KLHL1: variants seen among roughly 807,000 people sequenced by gnomAD.
The protein encoded by KLHL1 is kelch-like protein 1.
KLHL1 carries 47 observed loss-of-function variants against 77.7 expected under a neutral mutation model. The observed-to-expected ratio is 0.60, with a 90% CI of 0.48 to 0.77. The LOEUF is 0.77. Among genes scored for constraint, KLHL1 ranks in the 30% least tolerant of loss-of-function variants. The pLI is 0.00. For missense variants in KLHL1, 925 were observed against 910.8 expected (o/e 1.02, Z -0.20); for synonymous variants, 360 against 325.2 (o/e 1.11, Z -1.15).
chr13:70,107,666 TCACATCGAAG>T lies in KLHL1; in HGVS notation c.24_33del (p.Asp8GlufsTer55). 1 of 1,537,678 alleles carries T rather than the reference TCACATCGAAG, an allele frequency of 6.5e-7. No individual in the cohort carries two copies. On this transcript the variant is annotated frameshift_variant, in exon 1 of 11. Coordinates refer to ENST00000377844, the MANE Select transcript of KLHL1 (RefSeq NM_020866.3). LOFTEE classifies it high-confidence loss of function. ...TTCCAGCGGAGTCGCAGAATGTGCT[TCACATCGAAG>T]TCTTTTCGCCCAGAGCCTGACATGC...
At chr13:69,949,098 T>C (rs1029746746) in intron 3 of KLHL1, among the ~76,000 whole-genome samples, 1 of 151,928 alleles carries the variant, frequency 6.6e-6, no homozygotes, top group Non-Finnish European at 1.5e-5. Context: ...GTTTCCCCCA[T>C]TATTAACATC....
chr13:70,098,506 C>A (rs1887845743), intron 1 of KLHL1, among the ~76,000 whole-genome samples: 1 of 151,586 alleles, frequency 6.6e-6, no homozygotes, highest in East Asian at 1.9e-4. Flanking sequence ...ACTCTTAAAT[C>A]TTTCAATTTA....
At chr13:69,940,261 G>C in intron 3 of KLHL1, 25 bp from the exon 4 acceptor site, 1 of 1,550,898 alleles carries the variant, frequency 6.4e-7, no homozygotes, top group Non-Finnish European at 8.7e-7. Context: ...AGATAATTAT[G>C]AAACTCTTTT....
chr13:70,009,275 C>G (rs1403774366), intron 1 of KLHL1, among the ~76,000 whole-genome samples: 1 of 152,036 alleles, frequency 6.6e-6, no homozygotes, highest in Admixed American at 6.6e-5. Context: ...TAACTCAATT[C>G]AGACTCTGGG....
intron 3 of KLHL1, 143 bp from the exon 4 acceptor site, chr13:69,940,379 G>T: frequency 1.8e-6 from 1 of 559,214 alleles, no homozygotes; most frequent in Non-Finnish European, 2.9e-6. Context: ...ACTCGGTAAA[G>T]GTCACCAATT....
At chr13:69,847,822 T>C (rs1593884098) in intron 5 of KLHL1, among the ~76,000 whole-genome samples, 1 of 151,552 alleles carries the variant, frequency 6.6e-6, no homozygotes. Context: ...AATGACAGTT[T>C]CATAGCTTGC....
chr13:69,981,792 TA>T (rs1022278029), intron 1 of KLHL1, among the ~76,000 whole-genome samples: 10 of 146,670 alleles, frequency 6.8e-5, no homozygotes, highest in South Asian at 6.3e-4. Flanking sequence ...GTGCCCAAAA[TA>T]AAAAAAAATC....
chr13:70,010,994 T>C (rs1014363176), intron 1 of KLHL1, among the ~76,000 whole-genome samples: 2 of 152,090 alleles, frequency 1.3e-5, no homozygotes, highest in Non-Finnish European at 2.9e-5. Flanking sequence ...TAAACATTCT[T>C]GAGTTCTGGG....
At chr13:70,017,517 A>G (rs1885687958) in intron 1 of KLHL1, among the ~76,000 whole-genome samples, 2 of 152,208 alleles carry the variant, frequency 1.3e-5, no homozygotes, top group African/African-American at 4.8e-5. Context: ...GCCGGACCCA[A>G]CAGTCACTCA....
intron 4 of KLHL1, among the ~76,000 whole-genome samples, chr13:69,926,007 G>A (rs1469619699): frequency 6.6e-6 from 1 of 152,166 alleles, no homozygotes; most frequent in Non-Finnish European, 1.5e-5. Context: ...ACTAATTAAT[G>A]TTGGACCTCC....
intron 1 of KLHL1, among the ~76,000 whole-genome samples, chr13:70,088,657 TG>T (rs1406121913): frequency 6.6e-6 from 1 of 150,606 alleles, no homozygotes; most frequent in Non-Finnish European, 1.5e-5. Flanking sequence ...CACTCCAGCC[TG>T]GGGTAACAGA....
chr13:69,989,936 A>G (rs9542148), intron 1 of KLHL1, among the ~76,000 whole-genome samples: 84,599 of 151,664 alleles, frequency 0.56, 25,441 homozygotes, highest in Non-Finnish European at 0.68. Flanking sequence ...CTCTCTTCCT[A>G]TTTGGATGCC....
chr13:69,970,833 A>T (rs371193036), intron 2 of KLHL1, among the ~76,000 whole-genome samples: 35 of 152,020 alleles, frequency 2.3e-4, no homozygotes, highest in African/African-American at 8.2e-4. Flanking sequence ...CATCATGAAA[A>T]CCTGAATTCC....
chr13:69,889,918 T>C (rs2138207145), intron 4 of KLHL1, among the ~76,000 whole-genome samples: 1 of 152,224 alleles, frequency 6.6e-6, no homozygotes, highest in East Asian at 1.9e-4. Flanking sequence ...CAGCCTCCTC[T>C]TGCTAGCTCT....
At chr13:69,917,715 C>A (rs1488352024) in intron 4 of KLHL1, among the ~76,000 whole-genome samples, 3 of 152,088 alleles carry the variant, frequency 2.0e-5, no homozygotes, top group Admixed American at 6.6e-5. Flanking sequence ...TAAATGCATT[C>A]TTCCATATAT....
chr13:69,988,220 G>A (rs1381278055), intron 1 of KLHL1, among the ~76,000 whole-genome samples: 1 of 151,916 alleles, frequency 6.6e-6, no homozygotes, highest in Non-Finnish European at 1.5e-5. Flanking sequence ...GTGGTGTTTG[G>A]TTTTCTCCTC....
At chr13:70,022,979 A>C (rs1299381615) in intron 1 of KLHL1, among the ~76,000 whole-genome samples, 1 of 151,946 alleles carries the variant, frequency 6.6e-6, no homozygotes, top group Admixed American at 6.6e-5. Context: ...AGTTTCGATC[A>C]TGTCTTCCAT....
intron 6 of KLHL1, among the ~76,000 whole-genome samples, chr13:69,830,383 C>T (rs1878715633): frequency 6.7e-6 from 1 of 150,142 alleles, no homozygotes; most frequent in East Asian, 1.9e-4. Flanking sequence ...AAGGACTTGT[C>T]CACCAGGAAA....
At chr13:70,019,674 G>T (rs568345413) in intron 1 of KLHL1, among the ~76,000 whole-genome samples, 1 of 152,232 alleles carries the variant, frequency 6.6e-6, no homozygotes, top group South Asian at 2.1e-4. Context: ...TAAATAATTT[G>T]CCCAAAGTTA....
Sources: gnomAD v4.1 joint callset for allele counts (sites outside exome capture counted in the v4.1 genomes callset) on GRCh38, gnomAD v4.1.1 for gene constraint, MANE v1.5 for transcripts, NCBI Gene and HGNC (gene_info 2026-07-23, HGNC 2026-07-21) for gene names.